SLC24A3: variants seen among roughly 807,000 people sequenced by gnomAD.
The protein encoded by SLC24A3 is solute carrier family 24 member 3.
In SLC24A3, 28 loss-of-function variants were observed where a neutral mutation model predicts 75.8. That is an observed-to-expected ratio of 0.37 (90% confidence interval 0.27 to 0.51). The LOEUF (loss-of-function observed/expected upper bound fraction) is 0.51, where lower values mean the gene tolerates loss of function less well. Among genes scored for constraint, SLC24A3 ranks in the 20% least tolerant of loss-of-function variants. SLC24A3 has a pLI of 0.94. For missense variants in SLC24A3, 663 were observed against 847.8 expected (o/e 0.78, Z 2.71); for synonymous variants, 372 against 334.1 (o/e 1.11, Z -1.24).
intron 2 of SLC24A3, among the ~76,000 whole-genome samples, chr20:19,354,199 G>A (rs1985631205): frequency 6.6e-6 from 1 of 152,084 alleles, no homozygotes; most frequent in Non-Finnish European, 1.5e-5. Flanking sequence ...TGAAGCTGCA[G>A]TGTAAAAATA....
At chr20:19,427,722 A>T (rs903427199) in intron 2 of SLC24A3, among the ~76,000 whole-genome samples, 1 of 152,190 alleles carries the variant, frequency 6.6e-6, no homozygotes, top group African/African-American at 2.4e-5. Flanking sequence ...GAGAGGATAA[A>T]GATCTCTCCT....
intron 2 of SLC24A3, among the ~76,000 whole-genome samples, chr20:19,467,498 C>G (rs1987786393): frequency 6.6e-6 from 1 of 152,260 alleles, no homozygotes; most frequent in Non-Finnish European, 1.5e-5. Flanking sequence ...GGCTAGAGGT[C>G]AAGCCTGGAG....
At chr20:19,403,262 T>C (rs1047468889) in intron 2 of SLC24A3, among the ~76,000 whole-genome samples, 2 of 152,220 alleles carry the variant, frequency 1.3e-5, no homozygotes, top group Admixed American at 6.5e-5. Context: ...TAATGAACTG[T>C]TATGCATCAT....
intron 1 of SLC24A3, among the ~76,000 whole-genome samples, chr20:19,279,750 C>A (rs985792752): frequency 2.6e-5 from 4 of 152,122 alleles, no homozygotes; most frequent in Non-Finnish European, 5.9e-5. Context: ...ACTTTTCTGC[C>A]CGAGGTTCCT....
intron 2 of SLC24A3, among the ~76,000 whole-genome samples, chr20:19,345,816 G>A (rs1167824663): frequency 6.6e-6 from 1 of 151,702 alleles, no homozygotes; most frequent in Non-Finnish European, 1.5e-5. Context: ...TAGTGAAAAG[G>A]GAACACTTTT....
intron 2 of SLC24A3, among the ~76,000 whole-genome samples, chr20:19,362,602 G>C (rs1224723113): frequency 6.6e-6 from 1 of 152,166 alleles, no homozygotes; most frequent in Admixed American, 6.5e-5. Context: ...AATGAATATT[G>C]GTTTATCGTT....
At chr20:19,539,019 G>A (rs1479455912) in intron 3 of SLC24A3, among the ~76,000 whole-genome samples, 2 of 152,214 alleles carry the variant, frequency 1.3e-5, no homozygotes, top group Non-Finnish European at 2.9e-5. Flanking sequence ...TGGGCTGTAT[G>A]ATCCCACTTA....
At chr20:19,286,392 C>T (rs1448657126) in intron 2 of SLC24A3, among the ~76,000 whole-genome samples, 2 of 152,012 alleles carry the variant, frequency 1.3e-5, no homozygotes, top group African/African-American at 2.4e-5. Flanking sequence ...AGAAAACATG[C>T]GTTCAGGGTA....
chr20:19,502,952 A>G (rs1228981573), intron 2 of SLC24A3, among the ~76,000 whole-genome samples: 1 of 150,166 alleles, frequency 6.7e-6, no homozygotes, highest in Non-Finnish European at 1.5e-5. Flanking sequence ...GCTTAAGCCC[A>G]GGAGTTGGAG....
chr20:19,459,792 G>A (rs1445453696), intron 2 of SLC24A3, among the ~76,000 whole-genome samples: 2 of 152,138 alleles, frequency 1.3e-5, no homozygotes, highest in African/African-American at 2.4e-5. Flanking sequence ...CCTTCTGCTG[G>A]TATCACTCAA....
At chr20:19,489,452 G>A (rs1422245615) in intron 2 of SLC24A3, among the ~76,000 whole-genome samples, 1 of 152,138 alleles carries the variant, frequency 6.6e-6, no homozygotes, top group African/African-American at 2.4e-5. Flanking sequence ...ATTTGAAGTA[G>A]GCTTTGTTTA....
At chr20:19,666,000 A>C in intron 8 of SLC24A3, 111 bp downstream of exon 8, 1 of 1,190,534 alleles carries the variant, frequency 8.4e-7, no homozygotes, top group Non-Finnish European at 1.2e-6. Flanking sequence ...ATGACAGCTT[A>C]GAATGAGGAG....
chr20:19,329,209 T>C (rs1002168708), intron 2 of SLC24A3, among the ~76,000 whole-genome samples: 1 of 151,994 alleles, frequency 6.6e-6, no homozygotes, highest in African/African-American at 2.4e-5. Context: ...TAGTAGTTCA[T>C]AGGGAAAATG....
chr20:19,529,504 A>G (rs1054964547), intron 3 of SLC24A3, among the ~76,000 whole-genome samples: 1 of 152,130 alleles, frequency 6.6e-6, no homozygotes, highest in African/African-American at 2.4e-5. Flanking sequence ...CATCTCCACA[A>G]GCATGGCCCT....
At chr20:19,697,397 G>A (rs2032822655) in intron 14 of SLC24A3, 1 of 158,092 alleles carries the variant, frequency 6.3e-6, no homozygotes, top group Non-Finnish European at 1.4e-5. Context: ...TGTGAAATAA[G>A]CACAATCATA....
chr20:19,455,714 A>T (rs955887355), intron 2 of SLC24A3, among the ~76,000 whole-genome samples: 2 of 152,242 alleles, frequency 1.3e-5, no homozygotes, highest in Non-Finnish European at 2.9e-5. Context: ...TAATATGCTC[A>T]TGAATGTTTG....
At chr20:19,222,220 A>C (rs2093484950) in intron 1 of SLC24A3, among the ~76,000 whole-genome samples, 1 of 152,004 alleles carries the variant, frequency 6.6e-6, no homozygotes, top group African/African-American at 2.4e-5. Context: ...CCCTAAGTAG[A>C]TTCGTAGTAG....
Position 19,721,232 on chromosome 20 carries a change from G to A in SLC24A3, c.*92G>A, listed in dbSNP as rs553103015. 272 of 1,517,538 alleles carry A rather than the reference G, an allele frequency of 1.8e-4. 1 individual carries two copies. In the East Asian group the frequency reaches 3.6e-3, roughly 20 times the overall value. The allele number at this position is 1,517,538 out of a possible 1,614,324, so 94.0% of individuals were successfully genotyped here. On this transcript the variant is annotated 3_prime_UTR_variant, in exon 17 of 17. Coordinates refer to ENST00000328041, the MANE Select transcript of SLC24A3 (RefSeq NM_020689.4). ...GAGTCACACAGGCCCCCGGGGCCACGGCGTTCGTCTCTCCTGTGCTGTCCT... is the reference window on the plus strand; with the variant it reads ...GAGTCACACAGGCCCCCGGGGCCACAGCGTTCGTCTCTCCTGTGCTGTCCT...
chr20:19,602,701 C>T (rs2031542596), intron 6 of SLC24A3, among the ~76,000 whole-genome samples: 1 of 152,210 alleles, frequency 6.6e-6, no homozygotes, highest in South Asian at 2.1e-4. Flanking sequence ...TCTTCACAAG[C>T]ATCAACATCT....
Sources: gnomAD v4.1 joint callset for allele counts (sites outside exome capture counted in the v4.1 genomes callset) on GRCh38, gnomAD v4.1.1 for gene constraint, MANE v1.5 for transcripts, NCBI Gene and HGNC (gene_info 2026-07-23, HGNC 2026-07-21) for gene names.